The following BABAM1 variants were observed in gnomAD, a reference collection of about 807,000 sequenced individuals.
The protein encoded by BABAM1 is BRISC and BRCA1 A complex member 1.
Under a neutral mutation model 34.4 loss-of-function variants are expected in BABAM1, and 14 were observed. That is an observed-to-expected ratio of 0.41 (90% confidence interval 0.27 to 0.64). The LOEUF is 0.64. Ranked by LOEUF, BABAM1 falls within the 30% of genes least tolerant of loss-of-function variation. The pLI is 0.34. For missense variants in BABAM1, 393 were observed against 434.0 expected (o/e 0.91, Z 0.84); for synonymous variants, 169 against 165.8 (o/e 1.02, Z -0.15).
At chr19:17,271,126 T>C (rs925519392) in intron 2 of BABAM1, among the ~76,000 whole-genome samples, 3 of 151,736 alleles carry the variant, frequency 2.0e-5, no homozygotes, top group African/African-American at 7.3e-5. Context: ...GTAGCTGGGA[T>C]TACAGGTAGG....
chr19:17,272,418 T>G (rs1599493263), intron 3 of BABAM1, among the ~76,000 whole-genome samples: 1 of 151,120 alleles, frequency 6.6e-6, no homozygotes, highest in African/African-American at 2.4e-5. Flanking sequence ...TTTTTGTTTT[T>G]TTTTTGAGAC....
rs534759408 is a variant in BABAM1 at position 17,270,941 on chromosome 19, C to T, written c.286-656C>T. Among the ~76,000 whole-genome samples the T allele has an allele frequency of 2.6e-5, 4 of 151,772 alleles. No homozygotes were observed. The East Asian group carries it at 5.8e-4, about 22-fold the overall frequency. ...TCCTGACCTCGTGATCCTCCCGTCT[C>T]GGCCTCCCAAAGTGCTGGGATTCCA... On this transcript the variant is annotated intron_variant, in intron 2 of 8. Coordinates refer to ENST00000598188, the MANE Select transcript of BABAM1 (RefSeq NM_014173.4).
At chr19:17,277,825 G>A (rs1009775353) in intron 8 of BABAM1, among the ~76,000 whole-genome samples, 1 of 152,118 alleles carries the variant, frequency 6.6e-6, no homozygotes, top group African/African-American at 2.4e-5. Context: ...ATTGTAGTGA[G>A]CTGTGATGAA....
At chr19:17,275,590 T>A (rs1342195912) in intron 5 of BABAM1, among the ~76,000 whole-genome samples, 2 of 152,138 alleles carry the variant, frequency 1.3e-5, no homozygotes, top group East Asian at 3.9e-4. Context: ...ATGCCTGGCA[T>A]ACCAAGAGTC....
chr19:17,277,652 T>G (rs1363652813), intron 8 of BABAM1: 1 of 152,272 alleles, frequency 6.6e-6, no homozygotes, highest in Non-Finnish European at 1.5e-5. Flanking sequence ...TCTCTGAGCC[T>G]CAGTTTACCC....
chr19:17,278,810 G>T (rs778275892), intron 8 of BABAM1, 35 bp from the exon 9 acceptor site: 3 of 1,580,396 alleles, frequency 1.9e-6, no homozygotes, highest in Non-Finnish European at 2.6e-6. Flanking sequence ...ACCTCTGCCT[G>T]AACAGCCCTT....
At chr19:17,275,121 T>G (rs2073893193) in intron 5 of BABAM1, among the ~76,000 whole-genome samples, 1 of 150,798 alleles carries the variant, frequency 6.6e-6, no homozygotes, top group Non-Finnish European at 1.5e-5. Context: ...CCCAGGCTGG[T>G]CTTGAATTCC....
chr19:17,276,428 C>G (rs1350794012), intron 6 of BABAM1, 67 bp from the exon 7 acceptor site: 2 of 1,552,370 alleles, frequency 1.3e-6, no homozygotes, highest in African/African-American at 1.4e-5. Flanking sequence ...TGGGGTCTCT[C>G]TCAGGGTGAT....
At position 17,273,558 on chromosome 19, in the gene BABAM1, TGTTTTG is replaced by T. The variant is rs1568334536; in HGVS notation, c.345-345_345-340del. The stretch of plus-strand genomic sequence containing the variant: ...TGGCTGAAGGAAGTTTTTTTTTGTT[TGTTTTG>T]TTTTTTTTTTTTTTTTTGAGACAGA... On this transcript the variant is annotated intron_variant, in intron 3 of 8. Coordinates refer to ENST00000598188, the MANE Select transcript of BABAM1 (RefSeq NM_014173.4). Among the ~76,000 whole-genome samples, 15 of 23,296 alleles carry T rather than the reference TGTTTTG, an allele frequency of 6.4e-4. 1 individual carries two copies. Among genetic ancestry groups the T allele is most frequent in the African/African-American group, 2.7e-3 (10 of 3,656 alleles). 15.3% of individuals were successfully genotyped at this position (23,296 alleles called of 152,430 possible).
intron 3 of BABAM1, among the ~76,000 whole-genome samples, chr19:17,273,564 G>GTTT (rs754203595): frequency 1.5e-4 from 7 of 45,932 alleles, no homozygotes; most frequent in African/African-American, 2.6e-4. Context: ...TGTTTGTTTT[G>GTTT]TTTTTTTTTT....
Position 17,274,602 on chromosome 19 carries a change from G to C in BABAM1, c.544+417G>C, listed in dbSNP as rs1162980002. ...AAAAAAAGAAAGAAATACCTGATTTGTATTCAGGAGGTCCAAAATTCATGC... is the reference window on the plus strand; with the variant it reads ...AAAAAAAGAAAGAAATACCTGATTTCTATTCAGGAGGTCCAAAATTCATGC... On this transcript the variant is annotated intron_variant, in intron 5 of 8. Transcript: ENST00000598188. 3.6e-5 allele frequency: 7 copies of C among 194,960 alleles called. No individual in the cohort carries two copies. In the South Asian group the frequency reaches 5.8e-4, roughly 16 times the overall value. 12.1% of individuals were successfully genotyped at this position (194,960 alleles called of 1,614,324 possible).
intron 5 of BABAM1, among the ~76,000 whole-genome samples, chr19:17,275,347 G>A (rs1271823477): frequency 2.0e-5 from 3 of 151,730 alleles, no homozygotes; most frequent in Non-Finnish European, 2.9e-5. Context: ...CTGGAGTGCA[G>A]TGGCACGATC....
intron 3 of BABAM1, among the ~76,000 whole-genome samples, chr19:17,272,215 T>C (rs559662341): frequency 6.6e-6 from 1 of 152,240 alleles, no homozygotes; most frequent in South Asian, 2.1e-4. Flanking sequence ...GTGCTGGGAT[T>C]ACAGGCATGA....
chr19:17,277,901 G>A (rs1301859605), intron 8 of BABAM1, among the ~76,000 whole-genome samples: 1 of 150,710 alleles, frequency 6.6e-6, no homozygotes, highest in Middle Eastern at 3.2e-3. Context: ...ATACGGCCAG[G>A]TGTGGTGGCT....
intron 6 of BABAM1, 63 bp downstream of exon 6, chr19:17,275,888 G>A: frequency 6.4e-7 from 1 of 1,556,704 alleles, no homozygotes; most frequent in Non-Finnish European, 8.9e-7. Flanking sequence ...CTGGGAAAAA[G>A]CTCCAAACGG....
At position 17,268,855 on chromosome 19, in the gene BABAM1, G is replaced by C; in HGVS notation, c.49G>C (p.Glu17Gln). Residue 17 changes from glutamate to glutamine, a missense_variant, in exon 2 of 9, where the codon GAG (glutamate) becomes CAG (glutamine). By Grantham distance (29) the Glu-to-Gln change is conservative. Transcript: ENST00000598188. Reference sequence around the variant, plus strand: ...CCCCACTGAAGAGGAGGAGGAGGAAGAGGAGCACTCGGCAGAGCCTCGGCC... The same window carrying C: ...CCCCACTGAAGAGGAGGAGGAGGAACAGGAGCACTCGGCAGAGCCTCGGCC... ...SSPTEEEEEEEEHSAEPRPRT... is the reference protein window; with the variant it reads ...SSPTEEEEEEQEHSAEPRPRT... 6.2e-7 allele frequency: 1 copy of C among 1,609,534 alleles called. No homozygotes were observed. Among genetic ancestry groups the C allele is most frequent in the East Asian group, 2.2e-5 (1 of 44,724 alleles).
chr19:17,277,633 C>T (rs2073926003), intron 8 of BABAM1: 1 of 152,278 alleles, frequency 6.6e-6, no homozygotes, highest in Admixed American at 6.6e-5. Context: ...CTCGAGTGGA[C>T]TACTTACTTC....
rs768643936 is a variant in BABAM1 at position 17,268,917 on chromosome 19, G to A, written c.111G>A (p.Arg37=). The change falls in exon 2 of 9, where the codon CGG becomes CGA. Residue 37 remains arginine, a synonymous_variant. Transcript: ENST00000598188. The part of the protein sequence containing the change: ...TRSNPEGAED[R]AVGAQASVGS... Reference sequence around the variant, plus strand: ...CCAATCCTGAAGGGGCTGAGGACCGGGCAGTAGGGGCACAGGCCAGCGTGG... The same window carrying A: ...CCAATCCTGAAGGGGCTGAGGACCGAGCAGTAGGGGCACAGGCCAGCGTGG... 7.6e-6 allele frequency: 12 copies of A among 1,579,832 alleles called. No individual in the cohort carries two copies. The African/African-American group carries it at 1.2e-4, about 16-fold the overall frequency.
chr19:17,271,716 G>T, intron 3 of BABAM1, 61 bp downstream of exon 3: 5 of 1,548,872 alleles, frequency 3.2e-6, no homozygotes, highest in Non-Finnish European at 4.4e-6. Context: ...CAGCCCAAAA[G>T]ATACGGGGCT....
Sources: gnomAD v4.1 joint callset for allele counts (sites outside exome capture counted in the v4.1 genomes callset) on GRCh38, gnomAD v4.1.1 for gene constraint, MANE v1.5 for transcripts, NCBI Gene and HGNC (gene_info 2026-07-23, HGNC 2026-07-21) for gene names.